Variants in EBF1 observed in about 807,000 individuals in gnomAD.
The protein encoded by EBF1 is transcription factor COE1.
EBF1 carries 10 observed loss-of-function variants against 68.4 expected under a neutral mutation model. The observed-to-expected ratio is 0.15, with a 90% CI of 0.09 to 0.25. The LOEUF (loss-of-function observed/expected upper bound fraction) is 0.25. Ranked by LOEUF, EBF1 falls within the 10% of genes least tolerant of loss-of-function variation. EBF1 has a pLI of 1.00. For missense variants in EBF1, 509 were observed against 794.4 expected (o/e 0.64, Z 4.32); for synonymous variants, 298 against 299.8 (o/e 0.99, Z 0.06).
intron 6 of EBF1, among the ~76,000 whole-genome samples, chr5:158,960,654 T>A (rs1817998938): frequency 6.6e-6 from 1 of 152,366 alleles, no homozygotes; most frequent in African/African-American, 2.4e-5. Flanking sequence ...TTCTCTCTCC[T>A]GAATGTGGGC....
intron 7 of EBF1, among the ~76,000 whole-genome samples, chr5:158,836,877 C>T (rs1788932958): frequency 6.6e-6 from 1 of 152,084 alleles, no homozygotes; most frequent in African/African-American, 2.4e-5. Context: ...TCTATGGTGG[C>T]CAAGGTAGCT....
chr5:158,947,135 G>A (rs1247266332), intron 6 of EBF1, among the ~76,000 whole-genome samples: 4 of 152,138 alleles, frequency 2.6e-5, no homozygotes, highest in Non-Finnish European at 4.4e-5. Context: ...CATGGGGGTG[G>A]GATCCACTGA....
At chr5:158,969,916 GAAAAAAA>G (rs61157554) in intron 6 of EBF1, among the ~76,000 whole-genome samples, 2 of 80,076 alleles carry the variant, frequency 2.5e-5, no homozygotes, top group Admixed American at 1.3e-4. Flanking sequence ...AAGAAAGAAA[GAAAAAAA>G]AAAAAAAGGC....
At chr5:158,816,908 C>T (rs1055468779) in intron 8 of EBF1, among the ~76,000 whole-genome samples, 7 of 152,190 alleles carry the variant, frequency 4.6e-5, no homozygotes, top group Non-Finnish European at 1.0e-4. Flanking sequence ...AGCCAACTCC[C>T]TGGTGAGTTT....
chr5:159,070,642 C>A (rs778731788), intron 6 of EBF1, among the ~76,000 whole-genome samples: 2 of 152,150 alleles, frequency 1.3e-5, no homozygotes, highest in Non-Finnish European at 2.9e-5. Context: ...AGTGTTCTCC[C>A]AAATTCCGAA....
intron 6 of EBF1, among the ~76,000 whole-genome samples, chr5:158,862,808 C>T (rs1335191090): frequency 1.3e-5 from 2 of 152,162 alleles, no homozygotes; most frequent in African/African-American, 2.4e-5. Flanking sequence ...AAACAAGTGA[C>T]CTACAATATG....
intron 10 of EBF1, among the ~76,000 whole-genome samples, chr5:158,737,637 T>C (rs980272873): frequency 6.6e-6 from 1 of 152,100 alleles, no homozygotes; most frequent in Non-Finnish European, 1.5e-5. Context: ...ACAACAACTT[T>C]GAGATTCAAA....
At chr5:158,805,523 G>A (rs75609125) in intron 8 of EBF1, among the ~76,000 whole-genome samples, 2,243 of 152,144 alleles carry the variant, frequency 0.015, 23 homozygotes, top group Non-Finnish European at 0.021. Context: ...ACATAGATGC[G>A]TGCAGATAAT....
chr5:158,843,111 G>A (rs1291385450), intron 6 of EBF1, among the ~76,000 whole-genome samples: 5 of 152,184 alleles, frequency 3.3e-5, no homozygotes, highest in Non-Finnish European at 7.3e-5. Flanking sequence ...TGAACATTAT[G>A]GAGGTAGACG....
At chr5:158,753,661 A>G (rs1362067150) in intron 10 of EBF1, among the ~76,000 whole-genome samples, 1 of 152,118 alleles carries the variant, frequency 6.6e-6, no homozygotes, top group Non-Finnish European at 1.5e-5. Flanking sequence ...TAAATTGACC[A>G]CTGCTTTCAC....
intron 10 of EBF1, among the ~76,000 whole-genome samples, chr5:158,739,628 T>G (rs779295032): frequency 7.2e-5 from 11 of 152,184 alleles, no homozygotes; most frequent in Non-Finnish European, 1.6e-4. Flanking sequence ...TAATGGATGA[T>G]GGCGTTTAAA....
intron 8 of EBF1, among the ~76,000 whole-genome samples, chr5:158,815,448 A>C (rs1783523662): frequency 6.6e-6 from 1 of 152,196 alleles, no homozygotes; most frequent in South Asian, 2.1e-4. Flanking sequence ...GGAAGACTTG[A>C]TGAGATGATA....
chr5:159,010,203 C>G (rs113539846), intron 6 of EBF1, among the ~76,000 whole-genome samples: 2 of 152,120 alleles, frequency 1.3e-5, no homozygotes, highest in African/African-American at 4.8e-5. Flanking sequence ...GTCACGATAT[C>G]CTCGCAGATG....
intron 6 of EBF1, among the ~76,000 whole-genome samples, chr5:158,962,465 C>T (rs1210509722): frequency 3.9e-5 from 6 of 152,148 alleles, no homozygotes; most frequent in Non-Finnish European, 5.9e-5. Flanking sequence ...TCACAGTTGC[C>T]AGTTTGCAAC....
chr5:158,833,297 CAA>C lies in EBF1; in HGVS notation c.636+6730_636+6731del, dbSNP rs56221213. Among the ~76,000 whole-genome samples the C allele has an allele frequency of 1.4e-3, 194 of 135,348 alleles. 2 individuals are homozygous for C. Among genetic ancestry groups the C allele is most frequent in the Middle Eastern group, 3.8e-3 (1 of 260 alleles). 88.8% of individuals were successfully genotyped at this position (135,348 alleles called of 152,430 possible). ...CTGGCAACAGAGCCAGACTCCATCTCAAAAAAAAAAAAAAAGAAAAAAAGAGA... is the reference window on the plus strand; with the variant it reads ...CTGGCAACAGAGCCAGACTCCATCTCAAAAAAAAAAAAAGAAAAAAAGAGA... On this transcript the variant is annotated intron_variant, in intron 7 of 15. Transcript: ENST00000313708.
At chr5:158,839,622 A>G (rs1022278154) in intron 7 of EBF1, among the ~76,000 whole-genome samples, 1 of 152,160 alleles carries the variant, frequency 6.6e-6, no homozygotes, top group East Asian at 1.9e-4. Flanking sequence ...AACTCAAACA[A>G]TCTGCCTACC....
chr5:158,936,563 C>T (rs1418074645), intron 6 of EBF1, among the ~76,000 whole-genome samples: 3 of 152,214 alleles, frequency 2.0e-5, no homozygotes, highest in Non-Finnish European at 4.4e-5. Context: ...TAGGCTTACC[C>T]AGATAAATCG....
rs1484639232 is a variant in EBF1, at chr5:158,698,618, A to G, written c.*493T>C. On this transcript the variant is annotated 3_prime_UTR_variant, in exon 16 of 16. Coordinates refer to ENST00000313708, the MANE Select transcript of EBF1 (RefSeq NM_024007.5). ...AGTTTTTCTAAAAAATCTAACTGGCATTCCTATTCTGTCCCATACAAGCTT... is the reference window on the plus strand; with the variant it reads ...AGTTTTTCTAAAAAATCTAACTGGCGTTCCTATTCTGTCCCATACAAGCTT... 3 of 213,336 alleles carry G rather than the reference A, an allele frequency of 1.4e-5. No individual in the cohort carries two copies. The highest frequency in any genetic ancestry group is 5.9e-5 in the Admixed American group (1 of 16,854). The allele number at this position is 213,336 out of a possible 1,614,324, so 13.2% of individuals were successfully genotyped here. A position where few individuals can be genotyped will look rare whatever the true frequency, so the allele number is the denominator to read the frequency against.
At chr5:158,721,281 G>A (rs1252349836) in intron 11 of EBF1, among the ~76,000 whole-genome samples, 2 of 152,224 alleles carry the variant, frequency 1.3e-5, no homozygotes, top group East Asian at 1.9e-4. Flanking sequence ...TAAAAACATG[G>A]TATAGGAGAC....
Sources: allele counts gnomAD v4.1 joint callset (sites outside exome capture counted in the v4.1 genomes callset), GRCh38; gene constraint gnomAD v4.1.1; transcripts MANE v1.5; gene names NCBI Gene and HGNC (gene_info 2026-07-23, HGNC 2026-07-21).